The following PTPRS variants were observed in gnomAD, a reference collection of about 807,000 sequenced individuals.
The protein encoded by PTPRS is protein tyrosine phosphatase receptor type S, also known as receptor-type tyrosine-protein phosphatase S.
A neutral mutation model predicts 215.3 loss-of-function variants in PTPRS; 63 were observed. The ratio of observed to expected loss-of-function variants is 0.29; its 90% CI spans 0.24 to 0.36. PTPRS has a LOEUF of 0.36. Among genes scored for constraint, PTPRS ranks in the 10% least tolerant of loss-of-function variants. The pLI is 1.00. For missense variants in PTPRS, 2,258 were observed against 2,825.8 expected, an observed-to-expected ratio of 0.80 and a Z score of 4.56; for synonymous variants, 1,404 against 1,191.4, an observed-to-expected ratio of 1.18 and a Z score of -3.68.
chr19:5,277,820 C>T (rs1355159553), intron 2 of PTPRS: 1 of 772,430 alleles, frequency 1.3e-6, no homozygotes, highest in African/African-American at 1.7e-5. Flanking sequence ...ACCAATATGT[C>T]AAAATTAAGC....
intron 1 of PTPRS, among the ~76,000 whole-genome samples, chr19:5,305,366 C>T (rs975116189): frequency 2.0e-5 from 3 of 151,792 alleles, no homozygotes; most frequent in East Asian, 1.9e-4. Context: ...GGCAACACAG[C>T]GAGACCCTGT....
chr19:5,248,966 G>A (rs55965103), intron 9 of PTPRS, among the ~76,000 whole-genome samples: 30,899 of 152,238 alleles, frequency 0.2, 3,956 homozygotes, highest in Non-Finnish European at 0.3. Flanking sequence ...CCCAGGGGCT[G>A]GGACGATCAA....
chr19:5,280,200 T>C (rs2047729542), intron 2 of PTPRS, among the ~76,000 whole-genome samples: 1 of 152,196 alleles, frequency 6.6e-6, no homozygotes, highest in South Asian at 2.1e-4. Flanking sequence ...AGAAAAGTTC[T>C]GGAAAGTTCC....
chr19:5,284,051 A>G (rs1307567438), intron 2 of PTPRS, among the ~76,000 whole-genome samples: 1 of 151,474 alleles, frequency 6.6e-6, no homozygotes, highest in Non-Finnish European at 1.5e-5. Flanking sequence ...CTCCATCTCT[A>G]CAAGAAATTT....
At chr19:5,252,209 C>G (rs1306326908) in intron 9 of PTPRS, among the ~76,000 whole-genome samples, 1 of 152,170 alleles carries the variant, frequency 6.6e-6, no homozygotes, top group Non-Finnish European at 1.5e-5. Context: ...ACTCAAGACT[C>G]TGCGTTAAAT....
chr19:5,221,704 G>A (rs1281471400), intron 19 of PTPRS, among the ~76,000 whole-genome samples: 1 of 152,032 alleles, frequency 6.6e-6, no homozygotes, highest in Non-Finnish European at 1.5e-5. Context: ...TCCCAGACTT[G>A]GCACCAACTC....
chr19:5,316,673 A>G (rs1306924282), intron 1 of PTPRS, among the ~76,000 whole-genome samples: 1 of 152,174 alleles, frequency 6.6e-6, no homozygotes, highest in African/African-American at 2.4e-5. Context: ...GATTACAGGC[A>G]TGAGCCACCG....
chr19:5,225,755 T>G lies in PTPRS; in HGVS notation c.2466A>C (p.Lys822Asn), dbSNP rs2042430087. Residue 822 changes from lysine to asparagine, a missense_variant, in exon 17 of 38, where the codon AAA becomes AAC. This residue lies in a region of PTPRS where 371 missense variants were observed against 446.7 expected (regional missense o/e 0.83). Coordinates refer to ENST00000262963, the MANE Select transcript of PTPRS (RefSeq NM_002850.4). Reference sequence around the variant, plus strand: ...CTCCCTTGGTCACAACCACCTTGGGTTTGCTGCGAGCGCCATCGCCCTTCA... The same window carrying G: ...CTCCCTTGGTCACAACCACCTTGGGGTTGCTGCGAGCGCCATCGCCCTTCA... ...YTMKGDGARS[K>N]PKVVVTKGAV... 6.2e-7 allele frequency: 1 copy of G among 1,613,848 alleles called. No homozygotes were observed. Among genetic ancestry groups the G allele is most frequent in the Non-Finnish European group, 8.5e-7 (1 of 1,179,970 alleles).
Position 5,273,470 on chromosome 19 carries a change from T to C in PTPRS, c.351A>G (p.Thr117=). The part of the protein sequence containing the change: ...CVAQNSVGEI[T]VHAKLTVLRE... ...GGAGGACAGTAAGCTTGGCATGGACTGTGATCTCCCCAACCGAGTTCTGGG... is the reference window on the plus strand; with the variant it reads ...GGAGGACAGTAAGCTTGGCATGGACCGTGATCTCCCCAACCGAGTTCTGGG... Residue 117 remains threonine (T), a synonymous_variant, in exon 4 of 38, where the codon ACA becomes ACG. Coordinates refer to ENST00000262963, the MANE Select transcript of PTPRS (RefSeq NM_002850.4). 1 of 1,614,228 alleles carries C rather than the reference T, an allele frequency of 6.2e-7. No homozygotes were observed. The highest frequency in any genetic ancestry group is 8.5e-7 in the Non-Finnish European group (1 of 1,180,046).
intron 1 of PTPRS, among the ~76,000 whole-genome samples, chr19:5,331,857 C>A (rs2050336551): frequency 6.6e-6 from 1 of 152,160 alleles, no homozygotes; most frequent in Non-Finnish European, 1.5e-5. Context: ...ATAATCAGAG[C>A]CAACGTTTAT....
rs1220629891 is a variant in PTPRS at position 5,293,280 on chromosome 19, T to C, written c.-94-7046A>G. 1 of 54,650 alleles carries C rather than the reference T, an allele frequency of 1.8e-5. No homozygotes were observed. Among genetic ancestry groups the C allele is most frequent in the Non-Finnish European group, 3.8e-5 (1 of 26,554 alleles). The allele number at this position is 54,650 out of a possible 1,614,324, so 3.4% of individuals were successfully genotyped here. A position where few individuals can be genotyped will look rare whatever the true frequency, so the allele number is the denominator to read the frequency against. On this transcript the variant is annotated intron_variant, in intron 1 of 37. Transcript: ENST00000262963. This position sits in a 1 kb window ranked among gnomAD's most constrained non-coding sequence, Gnocchi z 8.4. ...AGGCCTCGGCCTGGGGAGCTCGGCCTGGGGGCGGGGCAAGGGGCGGGGCTG... is the reference window on the plus strand; with the variant it reads ...AGGCCTCGGCCTGGGGAGCTCGGCCCGGGGGCGGGGCAAGGGGCGGGGCTG...
chr19:5,319,415 T>TC (rs1289579893), intron 1 of PTPRS, among the ~76,000 whole-genome samples: 1 of 114,328 alleles, frequency 8.7e-6, no homozygotes, highest in Non-Finnish European at 1.9e-5. Context: ...GACCTTGTCT[T>TC]TTTTTTTTTT....
At chr19:5,283,554 G>A (rs1024109438) in intron 2 of PTPRS, among the ~76,000 whole-genome samples, 3 of 152,006 alleles carry the variant, frequency 2.0e-5, no homozygotes, top group Admixed American at 1.3e-4. Context: ...TCCAGCCCAG[G>A]AGACAGAAGG....
chr19:5,206,526 T>C lies in PTPRS; in HGVS notation c.*248A>G, dbSNP rs1049102605. 2 of 257,438 alleles carry C rather than the reference T, an allele frequency of 7.8e-6. No homozygotes were observed. The highest frequency in any genetic ancestry group is 2.3e-5 in the African/African-American group (1 of 42,786). The allele number at this position is 257,438 out of a possible 1,614,324, so 15.9% of individuals were successfully genotyped here. Reference sequence around the variant, plus strand: ...CCCACCCCGGAATCTGGTTTTGGAATTGGAAGGAAAGGAGGAATGTGCCAA... The same window carrying C: ...CCCACCCCGGAATCTGGTTTTGGAACTGGAAGGAAAGGAGGAATGTGCCAA... On this transcript the variant is annotated 3_prime_UTR_variant, in exon 38 of 38. Coordinates refer to ENST00000262963, the MANE Select transcript of PTPRS (RefSeq NM_002850.4).
intron 2 of PTPRS, among the ~76,000 whole-genome samples, chr19:5,281,036 C>A (rs2047805589): frequency 6.6e-6 from 1 of 151,616 alleles, no homozygotes; most frequent in South Asian, 2.1e-4. Flanking sequence ...AAATGATCCA[C>A]CCACCTCAGC....
At chr19:5,248,886 G>A (rs1373445579) in intron 9 of PTPRS, among the ~76,000 whole-genome samples, 1 of 152,238 alleles carries the variant, frequency 6.6e-6, no homozygotes, top group African/African-American at 2.4e-5. Flanking sequence ...GCATTAACCT[G>A]ACTCGGGCAG....
chr19:5,291,954 C>A (rs1236304398), intron 1 of PTPRS, among the ~76,000 whole-genome samples: 1 of 151,980 alleles, frequency 6.6e-6, no homozygotes, highest in African/African-American at 2.4e-5. Context: ...TATTTACACA[C>A]ACTGTTCCTT....
intron 13 of PTPRS, among the ~76,000 whole-genome samples, chr19:5,235,350 C>A (rs551002616): frequency 6.6e-6 from 1 of 152,182 alleles, no homozygotes; most frequent in Admixed American, 6.5e-5. Context: ...CACTCAATAC[C>A]TTATATAAAA....
chr19:5,260,906 C>A, intron 6 of PTPRS, 84 bp from the exon 7 acceptor site: 1 of 1,512,678 alleles, frequency 6.6e-7, no homozygotes, highest in Non-Finnish European at 9.1e-7. Context: ...CTGGGCTGGG[C>A]CGTAAGCCAG....
Sources: gnomAD v4.1 joint callset for allele counts (sites outside exome capture counted in the v4.1 genomes callset) on GRCh38, gnomAD v4.1.1 for gene constraint, gnomAD v4.1.1 regional missense constraint, Gnocchi (gnomAD v3.1) non-coding constraint, MANE v1.5 for transcripts, NCBI Gene and HGNC (gene_info 2026-07-23, HGNC 2026-07-21) for gene names.